The following KIFAP3 variants were observed in gnomAD, a reference collection of about 807,000 sequenced individuals.
KIFAP3 encodes kinesin associated protein 3, also known as kinesin-associated protein 3.
In KIFAP3, 68 loss-of-function variants were observed where a neutral mutation model predicts 106.5. The observed-to-expected ratio is 0.64, with a 90% CI of 0.53 to 0.78. The LOEUF (loss-of-function observed/expected upper bound fraction) is 0.78, where lower values mean the gene tolerates loss of function less well. Ranked by LOEUF, KIFAP3 falls within the 30% of genes least tolerant of loss-of-function variation. The pLI, the probability that KIFAP3 is intolerant of heterozygous loss-of-function variation, is 0.00. For synonymous variants in KIFAP3, 320 were observed against 311.5 expected (o/e 1.03, Z -0.29); for missense variants, 780 against 941.8 (o/e 0.83, Z 2.25).
At chr1:170,071,603 G>C (rs1454318321) in intron 1 of KIFAP3, among the ~76,000 whole-genome samples, 1 of 152,116 alleles carries the variant, frequency 6.6e-6, no homozygotes, top group Non-Finnish European at 1.5e-5. Flanking sequence ...GGGTCTTCCT[G>C]GCTTTATAAC....
chr1:169,957,786 C>T (rs2101853949), intron 18 of KIFAP3, among the ~76,000 whole-genome samples: 1 of 152,054 alleles, frequency 6.6e-6, no homozygotes, highest in East Asian at 1.9e-4. Context: ...GCTATCACAT[C>T]TGGCTAATTT....
chr1:169,930,914 CT>C (rs151201224), intron 19 of KIFAP3, among the ~76,000 whole-genome samples: 5 of 100,404 alleles, frequency 5.0e-5, no homozygotes, highest in Non-Finnish European at 7.8e-5. Context: ...ATTATTACTT[CT>C]TTTTTTTTTT....
intron 3 of KIFAP3, 90 bp downstream of exon 3, chr1:170,046,622 G>C: frequency 9.5e-7 from 1 of 1,052,814 alleles, no homozygotes. Context: ...AATATCAATA[G>C]TTTGATAAAC....
In KIFAP3 at chr1:169,982,796, T is replaced by C. The variant is rs1666599083; in HGVS notation, c.1578A>G (p.Gly526=). 6.2e-7 allele frequency: 1 copy of C among 1,608,522 alleles called. No individual in the cohort carries two copies. Among genetic ancestry groups the C allele is most frequent in the Non-Finnish European group, 8.5e-7 (1 of 1,176,226 alleles). Residue 526 remains glycine, a synonymous_variant, in exon 14 of 20, where the codon GGA becomes GGG. Coordinates refer to ENST00000361580, the MANE Select transcript of KIFAP3 (RefSeq NM_014970.4). ...CTGGAATGGTCAAGTTTGCAAGAGT[T>C]CCCAAACATTCAATCACAAACTCCT... is the stretch of plus-strand genomic sequence containing the variant. ...EEEEFVIECL[G]TLANLTIPDL... is the part of the protein sequence containing the mutation.
At chr1:169,948,851 A>G (rs1664584073) in intron 19 of KIFAP3, among the ~76,000 whole-genome samples, 1 of 152,000 alleles carries the variant, frequency 6.6e-6, no homozygotes, top group African/African-American at 2.4e-5. Flanking sequence ...CAGTTCTAGT[A>G]ATATGTAGTT....
At chr1:170,066,140 T>C (rs1311051223) in intron 1 of KIFAP3, among the ~76,000 whole-genome samples, 1 of 150,934 alleles carries the variant, frequency 6.6e-6, no homozygotes, top group Non-Finnish European at 1.5e-5. Flanking sequence ...GAATTAATGC[T>C]GTGCTACTTC....
chr1:169,993,123 T>C (rs989630764), intron 10 of KIFAP3, among the ~76,000 whole-genome samples: 2 of 149,980 alleles, frequency 1.3e-5, no homozygotes, highest in Admixed American at 1.3e-4. Context: ...TTTTTTTTTT[T>C]CAGAGACAGA....
chr1:170,016,489 G>C lies in KIFAP3; in HGVS notation c.1156C>G (p.Leu386Val). Residue 386 changes from leucine (L) to valine (V), a missense_variant, in exon 10 of 20, where the codon CTG (leucine) becomes GTG (valine). This residue lies in a region of KIFAP3 where 588 missense variants were observed against 678.9 expected (regional missense o/e 0.87). Transcript: ENST00000361580. ...AGGAGTGCAGTGAGCTTGGGAAGCA[G>C]TCCAACTTGTACCATCTTATTCCTC... is the stretch of plus-strand genomic sequence containing the variant. ...GLRNKMVQVG[L>V]LPKLTALLGN... 6.2e-7 allele frequency: 1 copy of C among 1,606,702 alleles called. No homozygotes were observed. Among genetic ancestry groups the C allele is most frequent in the African/African-American group, 1.3e-5 (1 of 74,486 alleles).
At chr1:170,024,953 A>C (rs1669032467) in intron 8 of KIFAP3, among the ~76,000 whole-genome samples, 1 of 152,130 alleles carries the variant, frequency 6.6e-6, no homozygotes. Context: ...TAAAGCAGAC[A>C]GAGGAAAATA....
intron 11 of KIFAP3, 21 bp downstream of exon 11, chr1:169,992,134 T>C (rs746971910): frequency 8.2e-7 from 1 of 1,213,402 alleles, no homozygotes; most frequent in African/African-American, 1.6e-5. Context: ...ATGTTTTTCA[T>C]AAAACACTTA....
chr1:170,074,807 T>C (rs1277179684), upstream of KIFAP3: 1 of 1,175,462 alleles, frequency 8.5e-7, no homozygotes, highest in Non-Finnish European at 1.1e-6. Context: ...CAGGGAAGTT[T>C]TGGTGCAGTT....
intron 19 of KIFAP3, among the ~76,000 whole-genome samples, chr1:169,942,387 T>C (rs1664172324): frequency 6.6e-6 from 1 of 152,214 alleles, no homozygotes; most frequent in African/African-American, 2.4e-5. Flanking sequence ...GCCCACCTCC[T>C]GCACACCTTC....
chr1:169,944,582 G>A (rs1664324304), intron 19 of KIFAP3, among the ~76,000 whole-genome samples: 1 of 152,126 alleles, frequency 6.6e-6, no homozygotes, highest in Admixed American at 6.5e-5. Context: ...TCAGGTCCCA[G>A]GTTCTTGTTT....
At chr1:169,993,803 T>C (rs989670345) in intron 10 of KIFAP3, among the ~76,000 whole-genome samples, 2 of 152,306 alleles carry the variant, frequency 1.3e-5, no homozygotes, top group African/African-American at 4.8e-5. Flanking sequence ...GAGAATTGCT[T>C]GTACCCAGGA....
At chr1:170,055,516 A>G in intron 1 of KIFAP3, 80 bp from the exon 2 acceptor site, 10 of 1,170,916 alleles carry the variant, frequency 8.5e-6, no homozygotes, top group Non-Finnish European at 1.2e-5. Context: ...TTAGGTCTAT[A>G]ACGTGGGTTG....
At chr1:169,996,504 T>C (rs1240046308) in intron 10 of KIFAP3, among the ~76,000 whole-genome samples, 1 of 152,164 alleles carries the variant, frequency 6.6e-6, no homozygotes, top group African/African-American at 2.4e-5. Context: ...GACCTTACAG[T>C]AATTAAAGGG....
chr1:170,017,022 G>A (rs552046561), intron 9 of KIFAP3, among the ~76,000 whole-genome samples: 3 of 152,290 alleles, frequency 2.0e-5, no homozygotes, highest in Non-Finnish European at 2.9e-5. Context: ...ACTTTGGGAG[G>A]CCGAGGCGGG....
chr1:169,939,855 G>C (rs1011694001), intron 19 of KIFAP3, among the ~76,000 whole-genome samples: 1 of 152,166 alleles, frequency 6.6e-6, no homozygotes, highest in Non-Finnish European at 1.5e-5. Context: ...ATTAGATTTG[G>C]CAATATGAAG....
At chr1:170,035,028 A>G (rs1039510588) in intron 6 of KIFAP3, among the ~76,000 whole-genome samples, 1 of 151,952 alleles carries the variant, frequency 6.6e-6, no homozygotes, top group Non-Finnish European at 1.5e-5. Context: ...CTTAATAAGT[A>G]TCTTCTTTCT....
Sources: gnomAD v4.1 joint callset for allele counts (sites outside exome capture counted in the v4.1 genomes callset) on GRCh38, gnomAD v4.1.1 for gene constraint, gnomAD v4.1.1 regional missense constraint, MANE v1.5 for transcripts, NCBI Gene and HGNC (gene_info 2026-07-23, HGNC 2026-07-21) for gene names.